The following NTM variants were observed in gnomAD, a reference collection of about 807,000 sequenced individuals.
NTM encodes IgLON family member 2.
In NTM, 13 loss-of-function variants were observed where a neutral mutation model predicts 42.1. The ratio of observed to expected loss-of-function variants is 0.31; its 90% CI spans 0.20 to 0.49. NTM has a LOEUF of 0.49. Among genes scored for constraint, NTM ranks in the 20% least tolerant of loss-of-function variants. The probability of loss-of-function intolerance (pLI) is 0.99; values close to 1 mark genes in which losing one functional copy is unlikely to be tolerated. For synonymous variants in NTM, 187 were observed against 179.2 expected, an observed-to-expected ratio of 1.04 and a Z score of -0.35; for missense variants, 373 against 452.8, an observed-to-expected ratio of 0.82 and a Z score of 1.60.
intron 1 of NTM, among the ~76,000 whole-genome samples, chr11:131,385,031 A>G (rs2512643): frequency 0.86 from 131,326 of 152,182 alleles, 56,691 homozygotes; most frequent in Non-Finnish European, 0.87. Context: ...ATGAAGAAGA[A>G]GCAGGAGGTA....
chr11:131,811,338 C>A (rs2092721591), intron 1 of NTM, among the ~76,000 whole-genome samples: 1 of 152,180 alleles, frequency 6.6e-6, no homozygotes, highest in Non-Finnish European at 1.5e-5. Context: ...ATAACCCAGA[C>A]CCAAGCAGTG....
At chr11:132,334,901 C>T in intron 8 of NTM, 145 bp from the exon 9 acceptor site, 1 of 1,390,446 alleles carries the variant, frequency 7.2e-7, no homozygotes, top group East Asian at 2.4e-5. Context: ...ACGTTCACTT[C>T]TAATGCTGGG....
chr11:132,112,718 TAC>T (rs61630313), intron 2 of NTM, among the ~76,000 whole-genome samples: 27,626 of 141,800 alleles, frequency 0.19, 2,561 homozygotes, highest in Middle Eastern at 0.23. Flanking sequence ...ACTGCACACT[TAC>T]ACACACACAC....
chr11:131,967,468 G>T (rs2062983318), intron 2 of NTM, among the ~76,000 whole-genome samples: 2 of 152,120 alleles, frequency 1.3e-5, no homozygotes, highest in African/African-American at 4.8e-5. Context: ...GTCATGTGTA[G>T]GTTGGCCCTG....
chr11:131,379,909 C>T (rs908944468), intron 1 of NTM, among the ~76,000 whole-genome samples: 1 of 152,086 alleles, frequency 6.6e-6, no homozygotes, highest in Non-Finnish European at 1.5e-5. Context: ...TCCTGGTAGC[C>T]CAGCATATTA....
At chr11:132,111,063 C>CAAAAAAAAAAAAAAAAAAAAAAAAAAA (rs57458373) in intron 2 of NTM, among the ~76,000 whole-genome samples, 1 of 35,466 alleles carries the variant, frequency 2.8e-5, no homozygotes, top group Non-Finnish European at 4.7e-5. Flanking sequence ...GGCCCTATCT[C>CAAAAAAAAAAAAAAAAAAAAAAAAAAA]AAAAAAAAAA....
chr11:132,264,270 T>A (rs940654330), intron 4 of NTM, among the ~76,000 whole-genome samples: 51 of 152,238 alleles, frequency 3.4e-4, no homozygotes, highest in South Asian at 4.1e-4. Flanking sequence ...TTTTTTCATA[T>A]TTCATATATT....
intron 3 of NTM, among the ~76,000 whole-genome samples, chr11:132,184,106 G>A (rs1473433071): frequency 3.3e-5 from 5 of 152,130 alleles, no homozygotes; most frequent in East Asian, 3.9e-4. Context: ...TTTTACTACC[G>A]TTTTTGAGAG....
chr11:131,845,984 G>C (rs1277791996), intron 1 of NTM, among the ~76,000 whole-genome samples: 1 of 151,964 alleles, frequency 6.6e-6, no homozygotes, highest in Admixed American at 6.6e-5. Flanking sequence ...TGAGTTATCT[G>C]TATCTTGTAT....
chr11:132,320,832 A>G lies in NTM; in HGVS notation c.934+6129A>G, dbSNP rs374706131. 2.2e-4 allele frequency among the ~76,000 whole-genome samples: 34 copies of G among 151,578 alleles called. No individual in the cohort carries two copies. In the East Asian group the frequency reaches 2.5e-3, roughly 11 times the overall value. On this transcript the variant is annotated intron_variant, in intron 7 of 8. Transcript: ENST00000683400. ...CCCAGTACGCAGCTGGAGATCTGAG[A>G]ACGGGCAGACTGCCTCCTCAAGTGG...
intron 2 of NTM, among the ~76,000 whole-genome samples, chr11:132,061,754 G>A (rs1446132567): frequency 6.6e-5 from 10 of 152,164 alleles, no homozygotes. Context: ...CAGTTATACA[G>A]TTCAAGCATC....
intron 1 of NTM, among the ~76,000 whole-genome samples, chr11:131,572,121 T>C (rs2057494895): frequency 6.6e-6 from 1 of 152,170 alleles, no homozygotes; most frequent in African/African-American, 2.4e-5. Flanking sequence ...GGTCAGTGTG[T>C]AGCCGGGTGC....
intron 4 of NTM, among the ~76,000 whole-genome samples, chr11:132,231,440 C>A (rs527511641): frequency 6.6e-6 from 1 of 152,314 alleles, no homozygotes; most frequent in Non-Finnish European, 1.5e-5. Context: ...TTCTTAACAT[C>A]CTTTCTTTTA....
intron 2 of NTM, among the ~76,000 whole-genome samples, chr11:132,000,029 C>A (rs961071683): frequency 6.6e-6 from 1 of 152,022 alleles, no homozygotes; most frequent in African/African-American, 2.4e-5. Flanking sequence ...TCAAATCTCT[C>A]ATAAGACATC....
chr11:132,272,615 T>A (rs1260283661), intron 4 of NTM, among the ~76,000 whole-genome samples: 1 of 152,138 alleles, frequency 6.6e-6, no homozygotes, highest in African/African-American at 2.4e-5. Context: ...TTGCTAAGCA[T>A]TTTATTCTTT....
intron 1 of NTM, among the ~76,000 whole-genome samples, chr11:131,726,139 G>C (rs188716519): frequency 6.6e-6 from 1 of 152,162 alleles, no homozygotes; most frequent in Non-Finnish European, 1.5e-5. Flanking sequence ...AAAGCAGACT[G>C]GTTGTGTTTC....
At chr11:131,434,010 A>G (rs1219747307) in intron 1 of NTM, among the ~76,000 whole-genome samples, 1 of 152,032 alleles carries the variant, frequency 6.6e-6, no homozygotes, top group East Asian at 1.9e-4. Flanking sequence ...AAATGTCTCC[A>G]TTGTTCAGTT....
chr11:131,396,778 G>A (rs762362175), intron 1 of NTM, among the ~76,000 whole-genome samples: 20 of 151,908 alleles, frequency 1.3e-4, no homozygotes, highest in Non-Finnish European at 2.5e-4. Flanking sequence ...AAGTTGCAGT[G>A]AGCTGAGATT....
intron 2 of NTM, among the ~76,000 whole-genome samples, chr11:131,973,024 T>C (rs539350545): frequency 2.6e-5 from 4 of 152,306 alleles, no homozygotes; most frequent in Middle Eastern, 3.4e-3. Context: ...ACTTAACAGT[T>C]TACTTAAGTA....
Sources: gnomAD v4.1 joint callset for allele counts (sites outside exome capture counted in the v4.1 genomes callset) on GRCh38, gnomAD v4.1.1 for gene constraint, MANE v1.5 for transcripts, NCBI Gene and HGNC (gene_info 2026-07-23, HGNC 2026-07-21) for gene names.